The following PCDH15 variants were observed in gnomAD, a reference collection of about 807,000 sequenced individuals.
The protein encoded by PCDH15 is protocadherin related 15.
PCDH15 carries 129 observed loss-of-function variants against 178.5 expected under a neutral mutation model. The observed-to-expected ratio is 0.72, with a 90% CI of 0.63 to 0.84. PCDH15 has a LOEUF of 0.84. Among genes scored for constraint, PCDH15 ranks in the 40% least tolerant of loss-of-function variants. The pLI is 0.00. For synonymous variants in PCDH15, 800 were observed against 732.0 expected, an observed-to-expected ratio of 1.09 and a Z score of -1.50; for missense variants, 2,230 against 2,099.9, an observed-to-expected ratio of 1.06 and a Z score of -1.21.
intron 8 of PCDH15, among the ~76,000 whole-genome samples, chr10:54,307,090 A>AAT (rs2060569007): frequency 5.8e-5 from 1 of 17,240 alleles, no homozygotes; most frequent in African/African-American, 3.8e-4. Context: ...ACATATATAT[A>AAT]TATGTGTGTG....
chr10:53,892,967 A>C (rs1223599769), intron 26 of PCDH15, among the ~76,000 whole-genome samples: 1 of 152,226 alleles, frequency 6.6e-6, no homozygotes, highest in Non-Finnish European at 1.5e-5. Flanking sequence ...TAATCTAAAA[A>C]TAATTGAAAG....
At chr10:54,357,466 G>A (rs1165948799) in intron 5 of PCDH15, among the ~76,000 whole-genome samples, 2 of 152,120 alleles carry the variant, frequency 1.3e-5, no homozygotes, top group Middle Eastern at 3.4e-3. Context: ...GGGATGTGAA[G>A]GACCTCTTCA....
intron 1 of PCDH15, among the ~76,000 whole-genome samples, chr10:54,734,489 A>T (rs1943821541): frequency 6.6e-6 from 1 of 152,018 alleles, no homozygotes; most frequent in Non-Finnish European, 1.5e-5. Flanking sequence ...TTTGGAAAAT[A>T]GTCTGCCAGT....
At chr10:54,329,881 G>T (rs895045379) in intron 6 of PCDH15, among the ~76,000 whole-genome samples, 175 bp from the exon 7 acceptor site, 1 of 151,764 alleles carries the variant, frequency 6.6e-6, no homozygotes, top group Non-Finnish European at 1.5e-5. Context: ...ATTTAATTTT[G>T]ATCAATGGGT....
intron 3 of PCDH15, among the ~76,000 whole-genome samples, chr10:54,880,912 C>T (rs912405405): frequency 2.0e-5 from 3 of 151,574 alleles, no homozygotes; most frequent in Non-Finnish European, 2.9e-5. Flanking sequence ...AAACAAATTA[C>T]ATTATGCCAT....
chr10:54,562,658 GCA>G (rs2088359743), intron 2 of PCDH15, among the ~76,000 whole-genome samples: 1 of 151,940 alleles, frequency 6.6e-6, no homozygotes, highest in African/African-American at 2.4e-5. Context: ...AGTATACATA[GCA>G]CATGCTTCAT....
chr10:55,022,756 G>C (rs1455672259), intron 2 of PCDH15, among the ~76,000 whole-genome samples: 1 of 146,474 alleles, frequency 6.8e-6, no homozygotes, highest in Non-Finnish European at 1.5e-5. Flanking sequence ...AGTCACCCAG[G>C]CTGGAGTGCA....
intron 2 of PCDH15, among the ~76,000 whole-genome samples, chr10:55,137,408 G>A (rs991767718): frequency 6.6e-6 from 1 of 152,092 alleles, no homozygotes; most frequent in African/African-American, 2.4e-5. Flanking sequence ...ATGTAGCCTA[G>A]GTTTACAGCA....
intron 3 of PCDH15, among the ~76,000 whole-genome samples, chr10:54,503,172 C>T (rs2080856540): frequency 2.0e-5 from 3 of 148,568 alleles, no homozygotes; most frequent in African/African-American, 7.4e-5. Flanking sequence ...GGTTTCTGAA[C>T]TTCAACTGGT....
At chr10:54,089,209 G>C (rs2094561085) in intron 16 of PCDH15, among the ~76,000 whole-genome samples, 1 of 152,160 alleles carries the variant, frequency 6.6e-6, no homozygotes, top group African/African-American at 2.4e-5. Context: ...ACATGTTCCT[G>C]AGTCTGATGT....
intron 2 of PCDH15, among the ~76,000 whole-genome samples, chr10:54,959,287 T>A (rs1838580277): frequency 6.6e-6 from 1 of 151,988 alleles, no homozygotes; most frequent in Admixed American, 6.5e-5. Flanking sequence ...TATTCCTTTT[T>A]ACAAAGACCT....
chr10:54,392,743 A>T (rs1178093072), intron 3 of PCDH15, among the ~76,000 whole-genome samples: 2 of 151,684 alleles, frequency 1.3e-5, no homozygotes, highest in African/African-American at 4.8e-5. Context: ...TACTAAAAAT[A>T]CAAAAATTAG....
intron 26 of PCDH15, among the ~76,000 whole-genome samples, chr10:53,886,132 G>A (rs914847355): frequency 3.3e-5 from 5 of 152,178 alleles, no homozygotes; most frequent in Non-Finnish European, 2.9e-5. Flanking sequence ...AATGACTATT[G>A]AGAGATCTAT....
chr10:53,806,907 C>A lies in PCDH15; in HGVS notation c.4895G>T (p.Gly1632Val). ...CTTGTCTAGTTTCTTAAAGGGCCCT[C>A]CCAGTCGAACAGGGGAAGCAACTTT... ...NLKVASPVRL[G>V]GPFKKLDKLA... Residue 1632 changes from glycine to valine, a missense_variant, in exon 38 of 38, where the codon GGA (glycine) becomes GTA (valine). By Grantham distance (109) the Gly-to-Val change is moderately radical (BLOSUM62 -3). Coordinates refer to ENST00000644397, the MANE Select transcript of PCDH15 (RefSeq NM_001384140.1). The A allele has an allele frequency of 6.2e-7, 1 of 1,613,862 alleles. No homozygotes were observed.
intron 3 of PCDH15, among the ~76,000 whole-genome samples, chr10:54,421,831 T>C (rs1955441773): frequency 1.2e-5 from 1 of 80,636 alleles, no homozygotes; most frequent in African/African-American, 5.4e-5. Context: ...TATATATATA[T>C]ATATATACAC....
intron 25 of PCDH15, among the ~76,000 whole-genome samples, chr10:53,912,457 G>C (rs1040234960): frequency 6.6e-6 from 1 of 152,140 alleles, no homozygotes; most frequent in Non-Finnish European, 1.5e-5. Flanking sequence ...AATCAGGCAA[G>C]AGAAAGAAAT....
intron 2 of PCDH15, among the ~76,000 whole-genome samples, chr10:54,980,403 T>C (rs1289781060): frequency 2.6e-5 from 4 of 152,094 alleles, no homozygotes; most frequent in African/African-American, 9.7e-5. Flanking sequence ...TTTCTTATTT[T>C]ATTATATTTC....
intron 3 of PCDH15, among the ~76,000 whole-genome samples, chr10:54,851,579 A>ATG (rs1359907263): frequency 3.9e-5 from 6 of 151,942 alleles, no homozygotes; most frequent in East Asian, 3.9e-4. Flanking sequence ...TGAGTATTTT[A>ATG]TGTGTGTGTG....
At chr10:54,896,604 G>A (rs1256148149) in intron 3 of PCDH15, among the ~76,000 whole-genome samples, 2 of 150,052 alleles carry the variant, frequency 1.3e-5, no homozygotes, top group Non-Finnish European at 3.0e-5. Flanking sequence ...TTTAAAAAAT[G>A]TTTCTTCTCC....
Sources: allele counts gnomAD v4.1 joint callset (sites outside exome capture counted in the v4.1 genomes callset), GRCh38; gene constraint gnomAD v4.1.1; transcripts MANE v1.5; gene names NCBI Gene and HGNC (gene_info 2026-07-23, HGNC 2026-07-21).